OGT: variants seen among roughly 807,000 people sequenced by gnomAD.
OGT encodes UDP-N-acetylglucosamine--peptide N-acetylglucosaminyltransferase 110 kDa subunit.
Under a neutral mutation model 75.8 loss-of-function variants are expected in OGT, and 3 were observed. The ratio of observed to expected loss-of-function variants is 0.04; its 90% confidence interval spans 0.02 to 0.10. The LOEUF (loss-of-function observed/expected upper bound fraction) is 0.10, where lower values mean the gene tolerates loss of function less well. Among genes scored for constraint, OGT ranks in the 10% least tolerant of loss-of-function variants. The pLI is 1.00. For synonymous variants in OGT, 257 were observed against 289.7 expected, an observed-to-expected ratio of 0.89 and a Z score of 1.15; for missense variants, 260 against 824.4, an observed-to-expected ratio of 0.32 and a Z score of 8.38.
chrX:71,549,788 G>A (rs892015372), intron 5 of OGT, among the ~76,000 whole-genome samples: 2 of 111,842 alleles, frequency 1.8e-5, no homozygotes, highest in African/African-American at 3.3e-5. Context: ...AATTAAAAAT[G>A]ATTTTTATAA....
chrX:71,561,981 A>T (rs1437356318), intron 15 of OGT, 81 bp downstream of exon 15: 2 of 977,187 alleles, frequency 2.0e-6, no homozygotes, highest in East Asian at 6.4e-5. Context: ...CCCTCTGGTT[A>T]ACTGATATTT....
intron 5 of OGT, among the ~76,000 whole-genome samples, chrX:71,549,021 C>T (rs746967098): frequency 2.0e-4 from 22 of 110,505 alleles, no homozygotes; most frequent in African/African-American, 6.6e-4. Flanking sequence ...TGAGACTAGC[C>T]GGGCCAGGTG....
chrX:71,537,776 C>T, intron 2 of OGT, 53 bp from the exon 3 acceptor site: 1 of 1,192,909 alleles, frequency 8.4e-7, no homozygotes, highest in Non-Finnish European at 1.1e-6. Flanking sequence ...TGGGCCATAC[C>T]TTCTTTTCTG....
chrX:71,537,596 C>T (rs759601247), intron 2 of OGT, among the ~76,000 whole-genome samples: 1 of 112,996 alleles, frequency 8.8e-6, no homozygotes, highest in South Asian at 3.6e-4. Context: ...AGCCACTGCG[C>T]CCAGCCAATA....
intron 19 of OGT, among the ~76,000 whole-genome samples, chrX:71,565,993 A>G (rs2040414165): frequency 8.9e-6 from 1 of 112,735 alleles, no homozygotes; most frequent in Non-Finnish European, 1.9e-5. Context: ...AGTTCATCAG[A>G]CAAGTTTGCA....
At chrX:71,547,517 G>A in intron 4 of OGT, 5 of 778,857 alleles carry the variant, frequency 6.4e-6, no homozygotes, top group Non-Finnish European at 7.6e-6. Context: ...AGGAAAACTC[G>A]GCCTCAAGTT....
At position 71,573,689 on chromosome X, in the gene OGT, C is replaced by T. The variant is rs1160841048; in HGVS notation, c.3036C>T (p.Tyr1012=). The T allele has an allele frequency of 8.3e-7, 1 of 1,208,480 alleles. No homozygotes were observed. Among genetic ancestry groups the T allele is most frequent in the African/African-American group, 1.7e-5 (1 of 57,667 alleles). ...ISSPLFNTKQ[Y]TMELERLYLQ... ...GCCCTCTGTTCAACACCAAACAATA[C>T]ACAATGGAACTAGAGCGGCTCTATC... The change falls in exon 22 of 22, where the codon TAC becomes TAT. Residue 1012 remains tyrosine (Y), a synonymous_variant. Transcript: ENST00000373719.
chrX:71,575,876 G>C lies in OGT; in HGVS notation c.*2082G>C, dbSNP rs1013934681. On this transcript the variant is annotated 3_prime_UTR_variant, in exon 22 of 22. Coordinates refer to ENST00000373719, the MANE Select transcript of OGT (RefSeq NM_181672.3). ...TGTTGTCTTGCGATCCTTAATAAAT[G>C]AATGATTTCCCTTTAATACGGCTGA... 3 of 112,073 alleles carry C rather than the reference G, an allele frequency of 2.7e-5. No individual in the cohort carries two copies. The highest frequency in any genetic ancestry group is 9.8e-5 in the African/African-American group (3 of 30,763). The allele number at this position is 112,073 out of a possible 1,213,427, so 9.2% of individuals were successfully genotyped here.
intron 15 of OGT, among the ~76,000 whole-genome samples, chrX:71,562,120 A>T (rs2040388588): frequency 8.9e-6 from 1 of 112,600 alleles, no homozygotes; most frequent in Admixed American, 9.4e-5. Context: ...GGCTATGAAC[A>T]GTTACTCTGT....
At chrX:71,540,503 CA>C (rs1290083550) in intron 3 of OGT, among the ~76,000 whole-genome samples, 2 of 111,850 alleles carry the variant, frequency 1.8e-5, no homozygotes, top group African/African-American at 6.5e-5. Context: ...CTGTTTTCAA[CA>C]GTGTTTATCT....
chrX:71,560,288 A>AG (rs888372782), intron 14 of OGT, among the ~76,000 whole-genome samples: 4 of 108,739 alleles, frequency 3.7e-5, no homozygotes, highest in African/African-American at 1.3e-4. Context: ...AAAAAAAAAA[A>AG]AAAAAAGAAA....
chrX:71,556,064 G>A lies in OGT; in HGVS notation c.1035G>A (p.Glu345=). ...NIKREQGNIE[E]AVRLYRKALE... is the part of the protein sequence containing the mutation. ...AACGAGAACAGGGAAACATTGAAGA[G>A]GCAGTTCGCTTGTATCGTAAAGCAT... Residue 345 remains glutamate, a synonymous_variant, in exon 8 of 22, where the codon GAG becomes GAA. Transcript: ENST00000373719. 1 of 1,211,786 alleles carries A rather than the reference G, an allele frequency of 8.3e-7. No individual in the cohort carries two copies. Among genetic ancestry groups the A allele is most frequent in the South Asian group, 1.8e-5 (1 of 56,975 alleles).
At chrX:71,534,378 T>C (rs1048522117) in intron 1 of OGT, 1 of 111,221 alleles carries the variant, frequency 9.0e-6, no homozygotes, top group African/African-American at 3.3e-5. Context: ...CATTTGGTAC[T>C]GAAAATACGA....
intron 21 of OGT, among the ~76,000 whole-genome samples, chrX:71,569,966 C>CCTCGTGA (rs2040443794): frequency 9.5e-6 from 1 of 105,215 alleles, no homozygotes; most frequent in Non-Finnish European, 1.9e-5. Flanking sequence ...GAACTCCTGA[C>CCTCGTGA]CTCGTGATCC....
chrX:71,558,203 G>A (rs912762773), intron 12 of OGT, among the ~76,000 whole-genome samples: 12 of 110,479 alleles, frequency 1.1e-4, no homozygotes, highest in Non-Finnish European at 2.1e-4. Flanking sequence ...TGCCCACCTC[G>A]CCCGGCCAAA....
At chrX:71,546,953 T>G (rs2040264010) in intron 4 of OGT, 1 of 753,545 alleles carries the variant, frequency 1.3e-6, no homozygotes, top group Non-Finnish European at 1.6e-6. Flanking sequence ...CTAATCTCAT[T>G]AAACAAATAT....
Position 71,533,186 on chromosome X carries a change from C to T in OGT, c.-114C>T. On this transcript the variant is annotated 5_prime_UTR_variant, in exon 1 of 22. Coordinates refer to ENST00000373719, the MANE Select transcript of OGT (RefSeq NM_181672.3). ...AACTGCTGCCGCCGCTCAAGCCCTC[C>T]AGAGCATTGCTACGGCTGCTGCCCT... 1 of 747,820 alleles carries T rather than the reference C, an allele frequency of 1.3e-6. No individual in the cohort carries two copies. The highest frequency in any genetic ancestry group is 2.0e-6 in the Non-Finnish European group (1 of 493,241). 61.6% of individuals were successfully genotyped at this position (747,820 alleles called of 1,213,427 possible). A position where few individuals can be genotyped will look rare whatever the true frequency, so the allele number is the denominator to read the frequency against.
chrX:71,546,948 C>T (rs891289396), intron 4 of OGT: 7 of 753,352 alleles, frequency 9.3e-6, no homozygotes, highest in Non-Finnish European at 1.1e-5. Context: ...TCCAACTAAT[C>T]TCATTAAACA....
chrX:71,546,862 G>A (rs1569425690), intron 4 of OGT: 2 of 753,979 alleles, frequency 2.7e-6, no homozygotes, highest in Non-Finnish European at 3.1e-6. Flanking sequence ...GACTAGATGA[G>A]TAATCTGATT....
Sources: allele counts gnomAD v4.1 joint callset (sites outside exome capture counted in the v4.1 genomes callset), GRCh38; gene constraint gnomAD v4.1.1; transcripts MANE v1.5; gene names NCBI Gene and HGNC (gene_info 2026-07-23, HGNC 2026-07-21).